Variants in INTS4 observed in about 807,000 individuals in gnomAD.
INTS4 encodes the protein MSTP093.
In INTS4, 70 loss-of-function variants were observed where a neutral mutation model predicts 119.5. The ratio of observed to expected loss-of-function variants is 0.59; its 90% CI spans 0.48 to 0.71. The LOEUF (loss-of-function observed/expected upper bound fraction) is 0.71, where lower values mean the gene tolerates loss of function less well. INTS4 is among the 30% of genes least tolerant of loss of function. INTS4 has a pLI of 0.00. For synonymous variants in INTS4, 316 were observed against 419.6 expected (o/e 0.75, Z 3.02); for missense variants, 867 against 1,173.2 (o/e 0.74, Z 3.81).
At chr11:77,895,971 C>A (rs1312393963) in intron 18 of INTS4, among the ~76,000 whole-genome samples, 1 of 152,120 alleles carries the variant, frequency 6.6e-6, no homozygotes, top group Non-Finnish European at 1.5e-5. Context: ...TTAAACTAGT[C>A]TAGACTTTCA....
At chr11:77,926,202 C>CTT (rs1953495373) in intron 11 of INTS4, among the ~76,000 whole-genome samples, 1 of 148,792 alleles carries the variant, frequency 6.7e-6, no homozygotes, top group Admixed American at 6.7e-5. Context: ...AAAAAAAAGG[C>CTT]AAATTCCAGC....
At chr11:77,890,212 G>T (rs183957306) in intron 21 of INTS4, among the ~76,000 whole-genome samples, 79 of 152,308 alleles carry the variant, frequency 5.2e-4, no homozygotes, top group African/African-American at 1.7e-3. Context: ...CTCAGAACTA[G>T]TTCTCTGCAG....
At chr11:77,917,892 A>G (rs911126042) in intron 15 of INTS4, 7 of 574,974 alleles carry the variant, frequency 1.2e-5, no homozygotes, top group African/African-American at 5.7e-5. Flanking sequence ...AGTCACCCAG[A>G]ATAAAGACTG....
At chr11:77,926,311 A>G (rs1319198692) in intron 11 of INTS4, among the ~76,000 whole-genome samples, 1 of 152,226 alleles carries the variant, frequency 6.6e-6, no homozygotes, top group Non-Finnish European at 1.5e-5. Context: ...AGTCTACTGT[A>G]AGTTTATATT....
chr11:77,933,764 G>A (rs1232331479), intron 10 of INTS4, among the ~76,000 whole-genome samples: 3 of 151,246 alleles, frequency 2.0e-5, no homozygotes, highest in African/African-American at 7.3e-5. Flanking sequence ...GCAGCCGCCC[G>A]TCTGGGAAGT....
intron 4 of INTS4, among the ~76,000 whole-genome samples, chr11:77,976,316 G>T (rs556996592): frequency 6.6e-5 from 10 of 152,168 alleles, no homozygotes; most frequent in Non-Finnish European, 8.8e-5. Flanking sequence ...GGGCACAGTA[G>T]TTCACACACG....
chr11:77,992,976 A>C (rs1221254571), intron 1 of INTS4, among the ~76,000 whole-genome samples: 3 of 152,216 alleles, frequency 2.0e-5, no homozygotes, highest in African/African-American at 7.2e-5. Context: ...TCTTCCCTTA[A>C]AATTCTTAGC....
At chr11:77,964,560 C>T (rs376337732) in intron 4 of INTS4, among the ~76,000 whole-genome samples, 540 of 146,598 alleles carry the variant, frequency 3.7e-3, no homozygotes, top group African/African-American at 0.013. Flanking sequence ...TGTGACAGAG[C>T]GAGACTCTTT....
chr11:77,948,776 C>T (rs1471065861), intron 8 of INTS4, among the ~76,000 whole-genome samples: 1 of 143,384 alleles, frequency 7.0e-6, no homozygotes, highest in Non-Finnish European at 1.5e-5. Flanking sequence ...AGACAGACAC[C>T]CTGTCTCAAA....
chr11:77,973,026 G>T (rs1364634194), intron 4 of INTS4, among the ~76,000 whole-genome samples: 2 of 151,850 alleles, frequency 1.3e-5, no homozygotes, highest in East Asian at 3.9e-4. Context: ...ATTTTTAGTA[G>T]AGATGAGATC....
At chr11:77,993,441 G>A (rs1856776572) in intron 1 of INTS4, among the ~76,000 whole-genome samples, 1 of 152,144 alleles carries the variant, frequency 6.6e-6, no homozygotes, top group East Asian at 1.9e-4. Context: ...TTTGAGATAT[G>A]CAAACACAAG....
In INTS4 at chr11:77,932,963, T is replaced by TG. The variant is rs1297509942; in HGVS notation, c.1166-4417dup. 4.2e-3 allele frequency among the ~76,000 whole-genome samples: 22 copies of TG among 5,258 alleles called. 2 individuals are homozygous for TG. Among genetic ancestry groups the TG allele is most frequent in the African/African-American group, 0.017 (22 of 1,270 alleles). 3.4% of individuals were successfully genotyped at this position (5,258 alleles called of 152,430 possible). On this transcript the variant is annotated intron_variant, in intron 10 of 22. Coordinates refer to ENST00000534064, the MANE Select transcript of INTS4 (RefSeq NM_033547.4). Reference sequence around the variant, plus strand: ...TCACACACTGGGGCCTGTCAGGGGGTGGGGGGCTGGGGGAGGGATAGCATT... The same window carrying TG: ...TCACACACTGGGGCCTGTCAGGGGGTGGGGGGGCTGGGGGAGGGATAGCATT...
intron 10 of INTS4, among the ~76,000 whole-genome samples, chr11:77,938,007 C>A (rs1174521961): frequency 2.0e-5 from 3 of 151,894 alleles, no homozygotes; most frequent in African/African-American, 7.3e-5. Flanking sequence ...GCCACCATAC[C>A]AGCTATTTTT....
At chr11:77,906,301 C>G (rs1462380436) in intron 16 of INTS4, among the ~76,000 whole-genome samples, 2 of 152,122 alleles carry the variant, frequency 1.3e-5, no homozygotes, top group Non-Finnish European at 2.9e-5. Context: ...GTAGCTGTAC[C>G]AAAATTTATT....
chr11:77,923,979 G>A (rs1953430922), intron 12 of INTS4, among the ~76,000 whole-genome samples: 1 of 150,234 alleles, frequency 6.7e-6, no homozygotes, highest in Admixed American at 6.6e-5. Flanking sequence ...TGGCCAGGGT[G>A]GTCTTGAACT....
In INTS4 at chr11:77,918,913, G is replaced by C. The variant is rs4084253; in HGVS notation, c.1830C>G (p.Ser610=). ...CAAGGCTCTGCTGCAGGAACTGCTG[G>C]GAAGGATCCTCTTGAGGTATGATGC... is the stretch of plus-strand genomic sequence containing the variant. ...SPSIIPQEDP[S]QQFLQQSLER... The change falls in exon 15 of 23, where the codon TCC becomes TCG. Residue 610 remains serine (S), a synonymous_variant. Transcript: ENST00000534064. The C allele has an allele frequency of 6.2e-7, 1 of 1,613,826 alleles. No individual in the cohort carries two copies. Among genetic ancestry groups the C allele is most frequent in the African/African-American group, 1.3e-5 (1 of 74,910 alleles).
chr11:77,917,765 T>G (rs148762573), intron 15 of INTS4, among the ~76,000 whole-genome samples: 1 of 152,016 alleles, frequency 6.6e-6, no homozygotes, highest in South Asian at 2.1e-4. Flanking sequence ...AGTTTAAATT[T>G]TTTTCATATC....
chr11:77,962,182 C>T (rs1591113893), intron 4 of INTS4, among the ~76,000 whole-genome samples: 1 of 152,186 alleles, frequency 6.6e-6, no homozygotes, highest in East Asian at 1.9e-4. Context: ...ACCCAGAAGG[C>T]TGAGGTAGGA....
chr11:77,901,449 G>A lies in INTS4; in HGVS notation c.2200C>T (p.Leu734Phe). 1 of 1,613,924 alleles carries A rather than the reference G, an allele frequency of 6.2e-7. No homozygotes were observed. The highest frequency in any genetic ancestry group is 8.5e-7 in the Non-Finnish European group (1 of 1,179,848). The stretch of plus-strand genomic sequence containing the variant: ...CGTGTAGTTCGTGCTGTTACTATAA[G>A]TTGCAAAGCTTTGGCCTGCAGCCTC... ...HMRLQAKALQLIVTARTTRGL... is the reference protein window; with the variant it reads ...HMRLQAKALQFIVTARTTRGL... Residue 734 changes from leucine (L) to phenylalanine (F), a missense_variant, in exon 18 of 23, where the codon CTT (leucine) becomes TTT (phenylalanine). Physicochemically the swap from Leu to Phe is conservative, Grantham distance 22 (BLOSUM62 0). Around this residue, in one of 5 missense-constraint regions of INTS4, gnomAD observed 262 missense variants for 376.0 expected, o/e 0.70. Coordinates refer to ENST00000534064, the MANE Select transcript of INTS4 (RefSeq NM_033547.4).
Sources: gnomAD v4.1 joint callset for allele counts (sites outside exome capture counted in the v4.1 genomes callset) on GRCh38, gnomAD v4.1.1 for gene constraint, gnomAD v4.1.1 regional missense constraint, MANE v1.5 for transcripts, NCBI Gene and HGNC (gene_info 2026-07-23, HGNC 2026-07-21) for gene names.